Variants in C9 observed in about 807,000 individuals in gnomAD.
C9 encodes the protein complement component C9.
In C9, 63 loss-of-function variants were observed where a neutral mutation model predicts 65.4. The ratio of observed to expected loss-of-function variants is 0.96; its 90% CI spans 0.79 to 1.19. The LOEUF (loss-of-function observed/expected upper bound fraction) is 1.19. Ranked by LOEUF, C9 falls within the 50% of genes most tolerant of loss-of-function variation. C9 has a pLI of 0.00. For synonymous variants in C9, 229 were observed against 227.9 expected, an observed-to-expected ratio of 1.00 and a Z score of -0.04; for missense variants, 744 against 670.1, an observed-to-expected ratio of 1.11 and a Z score of -1.22.
chr5:39,294,658 C>A (rs897804581), intron 9 of C9, among the ~76,000 whole-genome samples: 1 of 151,744 alleles, frequency 6.6e-6, no homozygotes, highest in Non-Finnish European at 1.5e-5. Flanking sequence ...AACACTAATT[C>A]TTCTCAAAAA....
Position 39,298,220 on chromosome 5 carries a change from A to C in C9, c.1416+8397T>G, listed in dbSNP as rs1561333591. 2.6e-5 allele frequency among the ~76,000 whole-genome samples: 4 copies of C among 151,722 alleles called. 1 individual carries two copies. The South Asian group carries it at 6.2e-4, about 24-fold the overall frequency. ...AATACCTATATTAGACAAGAAAAAA[A>C]TATCTAAAATCAATAATAACAGCAC... On this transcript the variant is annotated intron_variant, in intron 9 of 10. Coordinates refer to ENST00000263408, the MANE Select transcript of C9 (RefSeq NM_001737.5).
intron 4 of C9, among the ~76,000 whole-genome samples, chr5:39,333,999 A>G (rs533144456): frequency 3.3e-5 from 5 of 152,160 alleles, no homozygotes; most frequent in Admixed American, 1.3e-4. Context: ...TGGCCCCCCA[A>G]AGTGCCGAGA....
intron 9 of C9, among the ~76,000 whole-genome samples, chr5:39,295,168 A>G (rs1423586443): frequency 1.3e-4 from 19 of 151,816 alleles, no homozygotes; most frequent in Admixed American, 1.3e-3. Context: ...GCCCACTCTC[A>G]CCACTCTTAT....
chr5:39,304,403 G>T (rs1753338173), intron 9 of C9, among the ~76,000 whole-genome samples: 1 of 152,100 alleles, frequency 6.6e-6, no homozygotes, highest in Non-Finnish European at 1.5e-5. Context: ...ACAACATAAT[G>T]CTTCAAATTC....
intron 1 of C9, among the ~76,000 whole-genome samples, chr5:39,350,825 T>C (rs1284168499): frequency 6.6e-6 from 1 of 152,160 alleles, no homozygotes; most frequent in African/African-American, 2.4e-5. Flanking sequence ...GGCAAGTTGG[T>C]GGATCTACCA....
chr5:39,307,238 A>C (rs1477727430), intron 8 of C9, among the ~76,000 whole-genome samples: 1 of 152,138 alleles, frequency 6.6e-6, no homozygotes, highest in African/African-American at 2.4e-5. Context: ...ATTTCTTTCC[A>C]CTCCCAAATC....
intron 4 of C9, among the ~76,000 whole-genome samples, chr5:39,333,031 C>G (rs920715163): frequency 6.6e-6 from 1 of 152,218 alleles, no homozygotes; most frequent in African/African-American, 2.4e-5. Flanking sequence ...CCACCTCCCA[C>G]TGCCTGTCCC....
At chr5:39,318,491 G>A (rs1469425360) in intron 5 of C9, among the ~76,000 whole-genome samples, 1 of 151,920 alleles carries the variant, frequency 6.6e-6, no homozygotes, top group East Asian at 1.9e-4. Context: ...ATTGGCTGTG[G>A]GTTTTTCATA....
chr5:39,341,557 T>C lies in C9; in HGVS notation c.327A>G (p.Thr109=), dbSNP rs1432155718. The part of the protein sequence containing the change: ...DDCGNDFQCS[T]GRCIKMRLRC... ...GAGCAATTCAAGCACAAAGATTACCTGTACTGCATTGAAAGTCATTTCCGC... is the reference window on the plus strand; with the variant it reads ...GAGCAATTCAAGCACAAAGATTACCCGTACTGCATTGAAAGTCATTTCCGC... The change falls in exon 3 of 11, where the codon ACA becomes ACG. Residue 109 remains threonine (T), a splice_region_variant and synonymous_variant. Coordinates refer to ENST00000263408, the MANE Select transcript of C9 (RefSeq NM_001737.5). The C allele has an allele frequency of 2.5e-6, 4 of 1,613,872 alleles. No homozygotes were observed. The Admixed American group carries it at 5.0e-5, about 20-fold the overall frequency.
At chr5:39,353,439 G>T (rs539923074) in intron 1 of C9, among the ~76,000 whole-genome samples, 1 of 152,218 alleles carries the variant, frequency 6.6e-6, no homozygotes, top group East Asian at 1.9e-4. Flanking sequence ...CAGCTACACT[G>T]AACATTAAAA....
intron 9 of C9, among the ~76,000 whole-genome samples, chr5:39,295,793 G>C (rs1316552819): frequency 1.3e-5 from 2 of 151,644 alleles, no homozygotes; most frequent in East Asian, 3.9e-4. Flanking sequence ...ATATTACAAA[G>C]CTGTAGTAAC....
At chr5:39,348,239 C>T (rs981455718) in intron 1 of C9, among the ~76,000 whole-genome samples, 1 of 152,048 alleles carries the variant, frequency 6.6e-6, no homozygotes, top group South Asian at 2.1e-4. Context: ...AGGCAACCTA[C>T]AGAATGGGAG....
intron 1 of C9, among the ~76,000 whole-genome samples, chr5:39,354,125 G>T (rs1432426742): frequency 6.6e-6 from 1 of 152,144 alleles, no homozygotes; most frequent in Non-Finnish European, 1.5e-5. Context: ...GTATTACATG[G>T]GATGCCAAAA....
At chr5:39,314,459 A>T (rs1753538619) in intron 6 of C9, among the ~76,000 whole-genome samples, 1 of 151,732 alleles carries the variant, frequency 6.6e-6, no homozygotes, top group African/African-American at 2.4e-5. Context: ...CAAAATAAAT[A>T]AATTAAATTA....
rs182884557 is a variant in C9 at position 39,311,514 on chromosome 5, A to G, written c.871-137T>C. The G allele has an allele frequency of 1.4e-4, 109 of 761,382 alleles. No homozygotes were observed. The African/African-American group carries it at 1.8e-3, about 13-fold the overall frequency. The allele number at this position is 761,382 out of a possible 1,614,324, so 47.2% of individuals were successfully genotyped here. A position where few individuals can be genotyped will look rare whatever the true frequency, so the allele number is the denominator to read the frequency against. The stretch of plus-strand genomic sequence containing the variant: ...TGAGATACCACTCTAATCCACCAGA[A>G]GGGCTAAATGTAAAATACTATCAAC... On this transcript the variant is annotated intron_variant, in intron 6 of 10. Coordinates refer to ENST00000263408, the MANE Select transcript of C9 (RefSeq NM_001737.5).
intron 5 of C9, among the ~76,000 whole-genome samples, chr5:39,318,424 T>C (rs1212941669): frequency 1.3e-5 from 2 of 152,198 alleles, no homozygotes; most frequent in Admixed American, 6.5e-5. Flanking sequence ...GAGAGCATCC[T>C]TGTCTTGTGC....
chr5:39,288,379 A>T (rs1361191758), intron 10 of C9, among the ~76,000 whole-genome samples: 1 of 151,848 alleles, frequency 6.6e-6, no homozygotes, highest in Non-Finnish European at 1.5e-5. Context: ...ATATATGCAA[A>T]GTGTATATGA....
At chr5:39,295,972 ATTG>A (rs1561332904) in intron 9 of C9, among the ~76,000 whole-genome samples, 2 of 151,758 alleles carry the variant, frequency 1.3e-5, no homozygotes, top group South Asian at 4.1e-4. Flanking sequence ...GGAAAAACTG[ATTG>A]TCCATATGCA....
At chr5:39,345,255 A>G (rs1369096913) in intron 1 of C9, among the ~76,000 whole-genome samples, 1 of 152,176 alleles carries the variant, frequency 6.6e-6, no homozygotes, top group Admixed American at 6.5e-5. Flanking sequence ...AAGACCCATC[A>G]GTGTGCTGTA....
Sources: allele counts gnomAD v4.1 joint callset (sites outside exome capture counted in the v4.1 genomes callset), GRCh38; gene constraint gnomAD v4.1.1; transcripts MANE v1.5; gene names NCBI Gene and HGNC (gene_info 2026-07-23, HGNC 2026-07-21).